Variants in ADAMTS17 observed in about 807,000 individuals in gnomAD.
The protein encoded by ADAMTS17 is A disintegrin and metalloproteinase with thrombospondin motifs 17.
A neutral mutation model predicts 141.5 loss-of-function variants in ADAMTS17; 113 were observed. The observed-to-expected ratio is 0.80, with a 90% confidence interval of 0.69 to 0.93. The LOEUF (loss-of-function observed/expected upper bound fraction) is 0.93, where lower values mean the gene tolerates loss of function less well. ADAMTS17 is among the 40% of genes least tolerant of loss of function. The pLI is 0.00. For synonymous variants in ADAMTS17, 768 were observed against 630.6 expected (o/e 1.22, Z -3.27); for missense variants, 1,659 against 1,517.9 (o/e 1.09, Z -1.54).
chr15:100,205,771 C>T (rs2041521738), intron 7 of ADAMTS17, among the ~76,000 whole-genome samples: 1 of 152,204 alleles, frequency 6.6e-6, no homozygotes, highest in African/African-American at 2.4e-5. Flanking sequence ...CAGGCACACG[C>T]CTAGGGGAAG....
intron 3 of ADAMTS17, among the ~76,000 whole-genome samples, chr15:100,309,453 C>T (rs551045452): frequency 2.0e-5 from 3 of 152,330 alleles, no homozygotes; most frequent in African/African-American, 4.8e-5. Context: ...GTGCCCCCTG[C>T]CCAAGCCCCC....
chr15:100,153,077 T>C (rs950469259), intron 9 of ADAMTS17, among the ~76,000 whole-genome samples: 4 of 152,170 alleles, frequency 2.6e-5, no homozygotes, highest in African/African-American at 9.7e-5. Flanking sequence ...ATGAAAATGA[T>C]TTTGGAAGAG....
chr15:100,245,019 C>T (rs1019259409), intron 7 of ADAMTS17, among the ~76,000 whole-genome samples: 2 of 152,294 alleles, frequency 1.3e-5, no homozygotes, highest in African/African-American at 2.4e-5. Context: ...GAGTAAGAGC[C>T]GCACTGTAAG....
At chr15:100,154,117 G>A (rs982859529) in intron 9 of ADAMTS17, among the ~76,000 whole-genome samples, 2 of 152,112 alleles carry the variant, frequency 1.3e-5, no homozygotes, top group African/African-American at 4.8e-5. Context: ...GGAGACAGAG[G>A]TTGTGGTGAG....
At chr15:100,146,495 GATGT>G (rs1458839676) in intron 10 of ADAMTS17, among the ~76,000 whole-genome samples, 15 of 152,348 alleles carry the variant, frequency 9.8e-5, no homozygotes, top group Admixed American at 7.2e-4. Flanking sequence ...AGCTGAGGAA[GATGT>G]ATGTCGTCTC....
At chr15:100,207,107 G>C (rs2041601284) in intron 7 of ADAMTS17, among the ~76,000 whole-genome samples, 1 of 152,186 alleles carries the variant, frequency 6.6e-6, no homozygotes, top group South Asian at 2.1e-4. Flanking sequence ...CCTTCAGGGA[G>C]GTGATGAAGG....
At chr15:99,994,181 C>T (rs76532657) in intron 19 of ADAMTS17, among the ~76,000 whole-genome samples, 3,954 of 152,226 alleles carry the variant, frequency 0.026, 168 homozygotes, top group African/African-American at 0.089. Flanking sequence ...GAGCCCTGTC[C>T]CTGACACAGG....
chr15:100,221,366 G>A (rs896363733), intron 7 of ADAMTS17, among the ~76,000 whole-genome samples: 4 of 151,920 alleles, frequency 2.6e-5, no homozygotes, highest in Non-Finnish European at 5.9e-5. Context: ...GTTTTAAGGA[G>A]AGAAAAAATT....
At chr15:100,334,742 G>C (rs1027325677) in intron 2 of ADAMTS17, among the ~76,000 whole-genome samples, 1 of 152,198 alleles carries the variant, frequency 6.6e-6, no homozygotes, top group African/African-American at 2.4e-5. Context: ...AATGTGAAAT[G>C]CCTGAGCACA....
At chr15:100,236,307 CAA>C (rs2042653930) in intron 7 of ADAMTS17, among the ~76,000 whole-genome samples, 1 of 134,720 alleles carries the variant, frequency 7.4e-6, no homozygotes, top group African/African-American at 2.7e-5. Context: ...AAAACCCTAA[CAA>C]GAGAAGACCC....
chr15:100,237,076 C>A (rs1245841731), intron 7 of ADAMTS17, among the ~76,000 whole-genome samples: 2 of 152,226 alleles, frequency 1.3e-5, no homozygotes, highest in Admixed American at 6.5e-5. Flanking sequence ...CCCCACAACC[C>A]TGCCCCTGCA....
In ADAMTS17 at chr15:100,053,992, A is replaced by G; in HGVS notation, c.2200T>C (p.Phe734Leu). ...SDWKIELPGE[F>L]QIAGTTVRYV... ...CGAACAGTTGTGCCTGCAATCTGGA[A>G]CTCTCCGGGGAGCTCTATCTTCCAG... The change falls in exon 16 of 22, where the codon TTC becomes CTC. Residue 734 changes from phenylalanine (F) to leucine (L), a missense_variant. By Grantham distance (22) the Phe-to-Leu change is conservative (BLOSUM62 0). Coordinates refer to ENST00000268070, the MANE Select transcript of ADAMTS17 (RefSeq NM_139057.4). 1.2e-6 allele frequency: 2 copies of G among 1,614,092 alleles called. No individual in the cohort carries two copies. The highest frequency in any genetic ancestry group is 1.1e-5 in the South Asian group (1 of 91,060).
At position 100,341,109 on chromosome 15, in the gene ADAMTS17, T is replaced by A; in HGVS notation, c.380A>T (p.Tyr127Phe). 2.0e-6 allele frequency: 3 copies of A among 1,499,996 alleles called. No individual in the cohort carries two copies. Among genetic ancestry groups the A allele is most frequent in the Non-Finnish European group, 2.7e-6 (3 of 1,131,672 alleles). The allele number at this position is 1,499,996 out of a possible 1,614,324, so 92.9% of individuals were successfully genotyped here. A position where few individuals can be genotyped will look rare whatever the true frequency, so the allele number is the denominator to read the frequency against. ...RRGRPAELCF[Y>F]SGRVLGHPGS... ...GGGGTGGCCGAGCACACGGCCCGAG[T>A]AGAAGCACAGCTCGGCGGGGCGGCC... The change falls in exon 2 of 22, where the codon TAC (tyrosine) becomes TTC (phenylalanine). Residue 127 changes from tyrosine to phenylalanine, a missense_variant. Coordinates refer to ENST00000268070, the MANE Select transcript of ADAMTS17 (RefSeq NM_139057.4).
At position 100,184,651 on chromosome 15, in the gene ADAMTS17, C is replaced by T. The variant is rs889377206; in HGVS notation, c.1181+14667G>A. Among the ~76,000 whole-genome samples, 3 of 152,162 alleles carry T rather than the reference C, an allele frequency of 2.0e-5. No individual in the cohort carries two copies. In the East Asian group the frequency reaches 5.8e-4, roughly 29 times the overall value. On this transcript the variant is annotated intron_variant, in intron 8 of 21. Coordinates refer to ENST00000268070, the MANE Select transcript of ADAMTS17 (RefSeq NM_139057.4). ...TGGCAGAACCTCTGAGATCCAGAGG[C>T]CCAGCGTAGGTTGTCTCTCCTCTGT...
At chr15:100,109,532 C>A (rs7167249) in intron 13 of ADAMTS17, among the ~76,000 whole-genome samples, 8,120 of 152,030 alleles carry the variant, frequency 0.053, 448 homozygotes, top group South Asian at 0.16. Context: ...GTGAGGGCAG[C>A]GGCCCCAAGG....
rs199961905 is a variant in ADAMTS17 at position 100,133,167 on chromosome 15, C to T, written c.1575+47G>A. ...TGTCAGAAGAGGTGCCAGTTGCCTG[C>T]AAGATGTGGAGCTGCCTGTTGGGGG... is the stretch of plus-strand genomic sequence containing the variant. On this transcript the variant is annotated intron_variant, in intron 11 of 21. Coordinates refer to ENST00000268070, the MANE Select transcript of ADAMTS17 (RefSeq NM_139057.4). 2.1e-5 allele frequency: 32 copies of T among 1,517,396 alleles called. No homozygotes were observed. The East Asian group carries it at 4.1e-4, about 20-fold the overall frequency. 94.0% of individuals were successfully genotyped at this position (1,517,396 alleles called of 1,614,324 possible).
At chr15:100,193,231 A>G (rs111865548) in intron 8 of ADAMTS17, among the ~76,000 whole-genome samples, 1 of 152,020 alleles carries the variant, frequency 6.6e-6, no homozygotes, top group African/African-American at 2.4e-5. Context: ...AGGTCACTTT[A>G]CGCTTTGCGC....
chr15:100,291,492 T>C (rs572201824), intron 3 of ADAMTS17, among the ~76,000 whole-genome samples: 1 of 152,298 alleles, frequency 6.6e-6, no homozygotes, highest in South Asian at 2.1e-4. Flanking sequence ...CATTATTGAG[T>C]ATATACCCAA....
rs1240520909 is a variant in ADAMTS17 at position 100,117,023 on chromosome 15, A to G, written c.1722-10T>C. On this transcript the variant is annotated splice_polypyrimidine_tract_variant and intron_variant, in intron 12 of 21. Coordinates refer to ENST00000268070, the MANE Select transcript of ADAMTS17 (RefSeq NM_139057.4). ...GCCTCCAGGCCCAGGGCTAGAAGGA[A>G]GAAGAAGGTCTGTGTTAACCAGGTG... 1.9e-6 allele frequency: 3 copies of G among 1,601,582 alleles called. No homozygotes were observed. Among genetic ancestry groups the G allele is most frequent in the Admixed American group, 1.7e-5 (1 of 58,084 alleles).
Sources: allele counts gnomAD v4.1 joint callset (sites outside exome capture counted in the v4.1 genomes callset), GRCh38; gene constraint gnomAD v4.1.1; transcripts MANE v1.5; gene names NCBI Gene and HGNC (gene_info 2026-07-23, HGNC 2026-07-21).